CACNA1E: variants seen among roughly 807,000 people sequenced by gnomAD.
CACNA1E encodes voltage-dependent R-type calcium channel subunit alpha-1E.
In CACNA1E, 40 loss-of-function variants were observed where a neutral mutation model predicts 259.2. The observed-to-expected ratio is 0.15, with a 90% CI of 0.12 to 0.20. The LOEUF is 0.20. CACNA1E is among the 10% of genes least tolerant of loss of function. The pLI is 1.00. For missense variants in CACNA1E, 1,874 were observed against 3,040.1 expected, an observed-to-expected ratio of 0.62 and a Z score of 9.02; for synonymous variants, 1,104 against 1,138.5, an observed-to-expected ratio of 0.97 and a Z score of 0.61.
At chr1:181,720,943 T>A in intron 15 of CACNA1E, 88 bp downstream of exon 15, 1 of 869,940 alleles carries the variant, frequency 1.1e-6, no homozygotes, top group Admixed American at 2.2e-5. Context: ...AGGATAATTC[T>A]GCTTTTCCTT....
At chr1:181,786,819 G>C (rs147515015) in intron 43 of CACNA1E, among the ~76,000 whole-genome samples, 2 of 152,134 alleles carry the variant, frequency 1.3e-5, no homozygotes, top group African/African-American at 4.8e-5. Flanking sequence ...GACTTCTGTC[G>C]GAGTCATTTG....
In CACNA1E at chr1:181,798,403, T is replaced by C; in HGVS notation, c.6511T>C (p.Ser2171Pro). 6.2e-7 allele frequency: 1 copy of C among 1,613,564 alleles called. No individual in the cohort carries two copies. The highest frequency in any genetic ancestry group is 8.5e-7 in the Non-Finnish European group (1 of 1,179,868). ...PVPPKPRPLLSYSSLIRHAGS... is the reference protein window; with the variant it reads ...PVPPKPRPLLPYSSLIRHAGS... ...CCCGCCAAAGCCCCGGCCCCTCCTT[T>C]CCTACAGCTCCCTGATTCGACACGC... Residue 2171 changes from serine to proline, a missense_variant, in exon 48 of 48, where the codon TCC (serine) becomes CCC (proline). By Grantham distance (74) the Ser-to-Pro change is moderately conservative (BLOSUM62 -1). Around this residue, in one of 14 missense-constraint regions of CACNA1E, gnomAD observed 542 missense variants for 587.2 expected, o/e 0.92. Coordinates refer to ENST00000367573, the MANE Select transcript of CACNA1E (RefSeq NM_001205293.3). This position sits in a 1 kb window ranked among gnomAD's most constrained non-coding sequence, Gnocchi z 4.2.
intron 6 of CACNA1E, among the ~76,000 whole-genome samples, chr1:181,649,100 G>A (rs1423691890): frequency 6.6e-5 from 10 of 152,114 alleles, no homozygotes. Context: ...CAGAGAAAAC[G>A]GCTTCCTACC....
At chr1:181,731,279 T>C (rs374191745) in intron 19 of CACNA1E, 48 bp downstream of exon 19, 22 of 1,432,208 alleles carry the variant, frequency 1.5e-5, no homozygotes, top group Non-Finnish European at 2.2e-5. Flanking sequence ...CGTGTGGGCG[T>C]GGGACAATGT....
At chr1:181,453,253 C>T (rs1341748873) in intron 2 of CACNA1E, among the ~76,000 whole-genome samples, 1 of 152,184 alleles carries the variant, frequency 6.6e-6, no homozygotes, top group Non-Finnish European at 1.5e-5. Flanking sequence ...ATTTTGTTTC[C>T]TAATCATACA....
chr1:181,694,647 C>T (rs1651525597), intron 7 of CACNA1E, among the ~76,000 whole-genome samples: 2 of 152,170 alleles, frequency 1.3e-5, no homozygotes, highest in African/African-American at 4.8e-5. Flanking sequence ...TTGGACTTCT[C>T]AGCCACCAGA....
chr1:181,465,111 C>T (rs917872549), intron 2 of CACNA1E, among the ~76,000 whole-genome samples: 7 of 151,926 alleles, frequency 4.6e-5, no homozygotes, highest in East Asian at 1.9e-4. Context: ...GTCTTTATTT[C>T]GAGTCATAAT....
chr1:181,413,981 C>G (rs1024967998), intron 2 of CACNA1E, among the ~76,000 whole-genome samples: 2 of 152,200 alleles, frequency 1.3e-5, no homozygotes, highest in Non-Finnish European at 2.9e-5. Context: ...CTAACCCTGC[C>G]TTTTTAATAT....
At position 181,776,653 on chromosome 1, in the gene CACNA1E, G is replaced by T. The variant is rs530846096; in HGVS notation, c.5267+425G>T. 2.0e-5 allele frequency among the ~76,000 whole-genome samples: 3 copies of T among 152,326 alleles called. No homozygotes were observed. The highest frequency in any genetic ancestry group is 4.4e-5 in the Non-Finnish European group (3 of 68,032). ...TTTCTCTTTCTCGTTCCTCTCAACAGATACAGTTGGATATAACTCTGAAAT... is the reference window on the plus strand; with the variant it reads ...TTTCTCTTTCTCGTTCCTCTCAACATATACAGTTGGATATAACTCTGAAAT... On this transcript the variant is annotated intron_variant, in intron 38 of 47. Coordinates refer to ENST00000367573, the MANE Select transcript of CACNA1E (RefSeq NM_001205293.3). This position sits in a 1 kb window ranked among gnomAD's most constrained non-coding sequence, Gnocchi z 4.4.
At chr1:181,447,349 G>A (rs1307727781) in intron 2 of CACNA1E, among the ~76,000 whole-genome samples, 2 of 150,132 alleles carry the variant, frequency 1.3e-5, no homozygotes, top group Admixed American at 6.7e-5. Context: ...AACATAGCAA[G>A]ACCTCATCTC....
At chr1:181,518,513 G>T (rs1223645309) in intron 3 of CACNA1E, among the ~76,000 whole-genome samples, 1 of 152,202 alleles carries the variant, frequency 6.6e-6, no homozygotes, top group Non-Finnish European at 1.5e-5. Context: ...TTCGATTCCA[G>T]GGAGAGGTGG....
chr1:181,757,865 C>A, intron 30 of CACNA1E, 82 bp from the exon 31 acceptor site: 1 of 1,476,456 alleles, frequency 6.8e-7, no homozygotes, highest in Non-Finnish European at 9.3e-7. Flanking sequence ...TCACCGTCCT[C>A]CTCTTCTGAG....
chr1:181,395,367 A>T lies in CACNA1E; in HGVS notation c.-14-17766A>T, dbSNP rs545811659. Among the ~76,000 whole-genome samples the T allele has an allele frequency of 2.7e-4, 41 of 152,280 alleles. 1 individual carries two copies. In the South Asian group the frequency reaches 7.9e-3, roughly 29 times the overall value. ...AAAAGTTAGGAGTTCACACTTGGGC[A>T]TGTTGAATTTGAGTTGTATGTTATA... On this transcript the variant is annotated intron_variant, in intron 1 of 11. Transcript: ENST00000524607.
At chr1:181,728,034 C>A (rs560232011) in intron 18 of CACNA1E, among the ~76,000 whole-genome samples, 1 of 152,232 alleles carries the variant, frequency 6.6e-6, no homozygotes, top group African/African-American at 2.4e-5. Context: ...CCTTCCAAAT[C>A]GTTAAAGGTT....
At chr1:181,629,043 C>G (rs564663032) in intron 6 of CACNA1E, among the ~76,000 whole-genome samples, 22 of 152,220 alleles carry the variant, frequency 1.4e-4, no homozygotes, top group Admixed American at 1.2e-3. Flanking sequence ...AATGCAAATC[C>G]TAGGAGTACA....
chr1:181,561,229 A>C (rs1020708358), intron 3 of CACNA1E, among the ~76,000 whole-genome samples: 1 of 152,222 alleles, frequency 6.6e-6, no homozygotes, highest in African/African-American at 2.4e-5. Context: ...TTAAAATGGC[A>C]AATTTCATGT....
At chr1:181,600,447 G>T (rs1653627888) in intron 6 of CACNA1E, among the ~76,000 whole-genome samples, 1 of 152,246 alleles carries the variant, frequency 6.6e-6, no homozygotes, top group South Asian at 2.1e-4. Flanking sequence ...CAGGGCAAGA[G>T]TGGAGGCGGG....
intron 1 of CACNA1E, among the ~76,000 whole-genome samples, chr1:181,506,660 A>G (rs1288953654): frequency 6.6e-6 from 1 of 152,256 alleles, no homozygotes. Context: ...TTCACTGACA[A>G]GGTGGCATTT....
At chr1:181,567,954 C>T (rs533272877) in intron 3 of CACNA1E, among the ~76,000 whole-genome samples, 40 of 151,816 alleles carry the variant, frequency 2.6e-4, no homozygotes, top group African/African-American at 9.7e-4. Context: ...TATATATACA[C>T]ACATATATAT....
Sources: gnomAD v4.1 joint callset for allele counts (sites outside exome capture counted in the v4.1 genomes callset) on GRCh38, gnomAD v4.1.1 for gene constraint, gnomAD v4.1.1 regional missense constraint, Gnocchi (gnomAD v3.1) non-coding constraint, MANE v1.5 for transcripts, NCBI Gene and HGNC (gene_info 2026-07-23, HGNC 2026-07-21) for gene names.